Variants in PLCB1 observed in about 807,000 individuals in gnomAD.
The protein encoded by PLCB1 is 1-phosphatidylinositol 4,5-bisphosphate phosphodiesterase beta-1.
A neutral mutation model predicts 161.8 loss-of-function variants in PLCB1; 46 were observed. The ratio of observed to expected loss-of-function variants is 0.28; its 90% CI spans 0.22 to 0.36. PLCB1 has a LOEUF of 0.36. Among genes scored for constraint, PLCB1 ranks in the 10% least tolerant of loss-of-function variants. The pLI is 1.00. For missense variants in PLCB1, 1,016 were observed against 1,472.5 expected (o/e 0.69, Z 5.07); for synonymous variants, 517 against 503.7 (o/e 1.03, Z -0.35).
intron 2 of PLCB1, among the ~76,000 whole-genome samples, chr20:8,182,643 C>T (rs1041662242): frequency 4.0e-5 from 6 of 150,036 alleles, no homozygotes; most frequent in Non-Finnish European, 5.9e-5. Context: ...TACGGTGGCA[C>T]GATCTCGGCT....
chr20:8,495,466 C>T (rs1354207283), intron 3 of PLCB1, among the ~76,000 whole-genome samples: 2 of 140,440 alleles, frequency 1.4e-5, no homozygotes, highest in Non-Finnish European at 3.0e-5. Flanking sequence ...GGTGCCATCT[C>T]GGCTCACTGA....
intron 3 of PLCB1, among the ~76,000 whole-genome samples, chr20:8,509,777 GATAGATA>G (rs1345726583): frequency 3.3e-5 from 5 of 150,950 alleles, no homozygotes; most frequent in South Asian, 4.2e-4. Context: ...TAGATAGATA[GATAGATA>G]GCATGAAGAT....
At chr20:8,857,175 T>C (rs1334369353) in intron 31 of PLCB1, among the ~76,000 whole-genome samples, 1 of 152,068 alleles carries the variant, frequency 6.6e-6, no homozygotes, top group African/African-American at 2.4e-5. Context: ...ATAGCAAGAG[T>C]AGAGGCACAT....
intron 26 of PLCB1, among the ~76,000 whole-genome samples, chr20:8,771,101 C>A (rs1982654257): frequency 6.6e-6 from 1 of 152,070 alleles, no homozygotes; most frequent in African/African-American, 2.4e-5. Context: ...CACTAGCTAC[C>A]TACCAGTGGC....
At chr20:8,743,731 T>G (rs1981002256) in intron 23 of PLCB1, among the ~76,000 whole-genome samples, 3 of 152,210 alleles carry the variant, frequency 2.0e-5, no homozygotes. Context: ...GAATTAATTC[T>G]TAATCAAAAT....
intron 31 of PLCB1, among the ~76,000 whole-genome samples, chr20:8,835,080 C>T (rs6118347): frequency 0.012 from 1,890 of 152,040 alleles, 25 homozygotes; most frequent in Middle Eastern, 0.034. Flanking sequence ...CAAATATCTG[C>T]GCACTCTGTG....
intron 31 of PLCB1, among the ~76,000 whole-genome samples, chr20:8,821,010 C>T (rs986952419): frequency 2.0e-5 from 3 of 152,098 alleles, no homozygotes; most frequent in Non-Finnish European, 4.4e-5. Flanking sequence ...ATTCAAGACT[C>T]TCATTACCTC....
intron 31 of PLCB1, among the ~76,000 whole-genome samples, chr20:8,804,178 G>A (rs934706674): frequency 6.6e-6 from 1 of 152,138 alleles, no homozygotes; most frequent in Non-Finnish European, 1.5e-5. Flanking sequence ...AAATGACAGT[G>A]GGTGGAGGAG....
intron 2 of PLCB1, among the ~76,000 whole-genome samples, chr20:8,368,439 A>T (rs556149183): frequency 1.2e-4 from 18 of 150,718 alleles, no homozygotes; most frequent in African/African-American, 3.4e-4. Flanking sequence ...AGGCACGAGA[A>T]TCACTTGAAC....
intron 31 of PLCB1, among the ~76,000 whole-genome samples, chr20:8,804,862 G>T (rs975907960): frequency 6.6e-6 from 1 of 151,912 alleles, no homozygotes. Flanking sequence ...GTGGTGGCAG[G>T]TGTCTGTAAT....
chr20:8,564,893 T>C (rs1391373773), intron 3 of PLCB1, among the ~76,000 whole-genome samples: 1 of 152,022 alleles, frequency 6.6e-6, no homozygotes, highest in Non-Finnish European at 1.5e-5. Context: ...TTGGTGGGAG[T>C]GTAAATTAGT....
intron 18 of PLCB1, among the ~76,000 whole-genome samples, chr20:8,730,277 T>C (rs1980167501): frequency 6.6e-6 from 1 of 151,918 alleles, no homozygotes; most frequent in Non-Finnish European, 1.5e-5. Context: ...TTTAACCTTT[T>C]CAACCATCAA....
At chr20:8,831,899 CCTCTCTTTCTTTCT>C (rs1456833121) in intron 31 of PLCB1, among the ~76,000 whole-genome samples, 2 of 123,964 alleles carry the variant, frequency 1.6e-5, no homozygotes, top group Non-Finnish European at 3.5e-5. Context: ...TTTCTTTCTC[CCTCTCTTTCTTTCT>C]CTTTCTTTCT....
rs560384099 is a variant in PLCB1, at chr20:8,880,856, CTTTCTTTT to C, written c.3424-762_3424-755del. ...TTTCTTTTCCTCTTTTTCTTTCTTTCTTTCTTTTTTTTTTTTTTTTTTGGTTTTGAGAT... is the reference window on the plus strand; with the variant it reads ...TTTCTTTTCCTCTTTTTCTTTCTTTCTTTTTTTTTTTTTTGGTTTTGAGAT... On this transcript the variant is annotated intron_variant, in intron 31 of 31. Coordinates refer to ENST00000338037, the MANE Select transcript of PLCB1 (RefSeq NM_015192.4). 6.5e-5 allele frequency: 7 copies of C among 107,586 alleles called. No individual in the cohort carries two copies. The South Asian group carries it at 1.5e-3, about 23-fold the overall frequency. The allele number at this position is 107,586 out of a possible 1,614,324, so 6.7% of individuals were successfully genotyped here. A position where few individuals can be genotyped will look rare whatever the true frequency, so the allele number is the denominator to read the frequency against.
intron 2 of PLCB1, among the ~76,000 whole-genome samples, chr20:8,344,845 A>G (rs533873866): frequency 2.6e-5 from 4 of 152,354 alleles, no homozygotes; most frequent in South Asian, 2.1e-4. Context: ...GTTTGCTGCA[A>G]GCAAATGTTT....
chr20:8,837,819 T>A (rs1207082252), intron 31 of PLCB1, among the ~76,000 whole-genome samples: 8 of 152,144 alleles, frequency 5.3e-5, no homozygotes, highest in Non-Finnish European at 1.0e-4. Flanking sequence ...GTCACTGAAT[T>A]GAGAAATCTA....
intron 3 of PLCB1, among the ~76,000 whole-genome samples, chr20:8,378,258 A>T (rs1844288547): frequency 6.6e-6 from 1 of 152,240 alleles, no homozygotes; most frequent in African/African-American, 2.4e-5. Flanking sequence ...CCAGACATAA[A>T]AGGACAAATA....
intron 2 of PLCB1, among the ~76,000 whole-genome samples, chr20:8,244,006 T>C (rs1464969657): frequency 1.3e-5 from 2 of 151,950 alleles, no homozygotes; most frequent in Non-Finnish European, 2.9e-5. Context: ...GAGAATGTCA[T>C]GGTGAAAATT....
intron 2 of PLCB1, among the ~76,000 whole-genome samples, chr20:8,368,528 C>CAAAAAAAAAAAAAAAAAAA (rs1216338206): frequency 4.1e-4 from 26 of 63,768 alleles, no homozygotes; most frequent in East Asian, 1.2e-3. Flanking sequence ...CTCTGTCTCT[C>CAAAAAAAAAAAAAAAAAAA]AAAAAAAAAA....
Sources: gnomAD v4.1 joint callset for allele counts (sites outside exome capture counted in the v4.1 genomes callset) on GRCh38, gnomAD v4.1.1 for gene constraint, MANE v1.5 for transcripts, NCBI Gene and HGNC (gene_info 2026-07-23, HGNC 2026-07-21) for gene names.